Variants in RASGRP3 observed in about 807,000 individuals in gnomAD.
RASGRP3 encodes the protein ras guanyl-releasing protein 3.
Under a neutral mutation model 82.7 loss-of-function variants are expected in RASGRP3, and 54 were observed. That is an observed-to-expected ratio of 0.65 (90% CI 0.52 to 0.82). The LOEUF (loss-of-function observed/expected upper bound fraction) is 0.82. Among genes scored for constraint, RASGRP3 ranks in the 40% least tolerant of loss-of-function variants. The pLI is 0.00. For synonymous variants in RASGRP3, 309 were observed against 300.5 expected, an observed-to-expected ratio of 1.03 and a Z score of -0.29; for missense variants, 861 against 828.9, an observed-to-expected ratio of 1.04 and a Z score of -0.48.
Position 33,563,316 on chromosome 2 carries a change from T to G in RASGRP3, c.*579T>G, listed in dbSNP as rs1289758091. The G allele has an allele frequency of 1.3e-5, 2 of 152,750 alleles. No individual in the cohort carries two copies. The highest frequency in any genetic ancestry group is 2.9e-5 in the Non-Finnish European group (2 of 68,516). The allele number at this position is 152,750 out of a possible 1,614,324, so 9.5% of individuals were successfully genotyped here. A position where few individuals can be genotyped will look rare whatever the true frequency, so the allele number is the denominator to read the frequency against. ...ATCAGACACTGGAATGCAGTGATTCTTCTAATGATGGTCAACTGCAAGGAG... is the reference window on the plus strand; with the variant it reads ...ATCAGACACTGGAATGCAGTGATTCGTCTAATGATGGTCAACTGCAAGGAG... On this transcript the variant is annotated 3_prime_UTR_variant, in exon 18 of 18. Coordinates refer to ENST00000403687, the MANE Select transcript of RASGRP3 (RefSeq NM_001139488.2).
chr2:33,548,449 A>T (rs1345061050), intron 13 of RASGRP3, among the ~76,000 whole-genome samples: 1 of 151,306 alleles, frequency 6.6e-6, no homozygotes, highest in African/African-American at 2.4e-5. Context: ...TTTTTCAGGT[A>T]GGAAAGTCCT....
intron 2 of RASGRP3, among the ~76,000 whole-genome samples, chr2:33,470,025 G>A (rs1180584156): frequency 1.3e-5 from 2 of 152,010 alleles, no homozygotes; most frequent in East Asian, 1.9e-4. Flanking sequence ...TTAAATTCAC[G>A]TTATTTTTAG....
chr2:33,484,397 A>C (rs1668184685), intron 1 of RASGRP3, among the ~76,000 whole-genome samples: 1 of 152,238 alleles, frequency 6.6e-6, no homozygotes, highest in Non-Finnish European at 1.5e-5. Context: ...TGGAAAACTC[A>C]TACCATGAGT....
chr2:33,464,940 G>A (rs954864688), intron 2 of RASGRP3, among the ~76,000 whole-genome samples: 1 of 152,122 alleles, frequency 6.6e-6, no homozygotes, highest in African/African-American at 2.4e-5. Context: ...TATTCCCTGA[G>A]ACACAACAGT....
At chr2:33,546,093 AG>A (rs768710216) in intron 13 of RASGRP3, among the ~76,000 whole-genome samples, 23 of 151,432 alleles carry the variant, frequency 1.5e-4, no homozygotes, top group Non-Finnish European at 2.7e-4. Context: ...TCCAGGCGTG[AG>A]CCACCGTGCC....
intron 2 of RASGRP3, among the ~76,000 whole-genome samples, chr2:33,448,329 TA>T (rs578258564): frequency 2.6e-5 from 4 of 152,032 alleles, no homozygotes; most frequent in East Asian, 1.9e-4. Context: ...TTTTGTGCTT[TA>T]AAAAAAACTC....
chr2:33,464,121 TTATTA>T (rs1458919246), intron 2 of RASGRP3, among the ~76,000 whole-genome samples: 5 of 147,538 alleles, frequency 3.4e-5, no homozygotes, highest in Non-Finnish European at 7.4e-5. Flanking sequence ...ATTATTATTA[TTATTA>T]TTATTATTAT....
chr2:33,544,743 C>T (rs1674579099), intron 13 of RASGRP3, among the ~76,000 whole-genome samples: 1 of 152,064 alleles, frequency 6.6e-6, no homozygotes, highest in Non-Finnish European at 1.5e-5. Context: ...ACCTGTAATG[C>T]CAGCACTGTG....
At chr2:33,479,181 A>G (rs1667650738) in intron 1 of RASGRP3, among the ~76,000 whole-genome samples, 1 of 152,188 alleles carries the variant, frequency 6.6e-6, no homozygotes, top group Non-Finnish European at 1.5e-5. Context: ...CGAGCTCTCC[A>G]TGACAGGAAG....
At chr2:33,534,489 C>A in intron 11 of RASGRP3, 89 bp downstream of exon 11, 1 of 864,230 alleles carries the variant, frequency 1.2e-6, no homozygotes, top group East Asian at 2.6e-5. Flanking sequence ...GCTTTATGTT[C>A]TAAAACGGAA....
At chr2:33,534,453 G>C in intron 11 of RASGRP3, 53 bp downstream of exon 11, 1 of 1,231,586 alleles carries the variant, frequency 8.1e-7, no homozygotes, top group Non-Finnish European at 1.2e-6. Context: ...TTTTTGTCAT[G>C]TACAGTAATT....
At chr2:33,476,414 GTT>G (rs1667377258), upstream of RASGRP3, 1 of 152,236 alleles carries the variant, frequency 6.6e-6, no homozygotes, top group African/African-American at 2.4e-5. Flanking sequence ...CTTATCAGCT[GTT>G]TGGCTTTTGT....
At chr2:33,519,379 G>A (rs1481196550) in intron 4 of RASGRP3, among the ~76,000 whole-genome samples, 1 of 152,168 alleles carries the variant, frequency 6.6e-6, no homozygotes, top group Non-Finnish European at 1.5e-5. Context: ...CACTTTGGGA[G>A]GCCGAGGTGG....
At chr2:33,523,232 G>A (rs1020862574) in intron 7 of RASGRP3, among the ~76,000 whole-genome samples, 1 of 152,096 alleles carries the variant, frequency 6.6e-6, no homozygotes, top group Non-Finnish European at 1.5e-5. Flanking sequence ...GGGAGGCCAA[G>A]GTGGGCAGAT....
At chr2:33,480,343 C>T (rs567055102) in intron 1 of RASGRP3, among the ~76,000 whole-genome samples, 5 of 152,074 alleles carry the variant, frequency 3.3e-5, no homozygotes, top group Admixed American at 6.6e-5. Context: ...GCGCCCAGCC[C>T]GCATGAAAGA....
chr2:33,461,695 T>C (rs564485517), intron 2 of RASGRP3, among the ~76,000 whole-genome samples: 1 of 152,248 alleles, frequency 6.6e-6, no homozygotes, highest in African/African-American at 2.4e-5. Flanking sequence ...AGATTCTTAC[T>C]CTGCTATGGA....
intron 2 of RASGRP3, among the ~76,000 whole-genome samples, chr2:33,459,756 C>T (rs934531511): frequency 1.3e-5 from 2 of 152,154 alleles, no homozygotes; most frequent in Admixed American, 6.5e-5. Flanking sequence ...TGTGTCTGCT[C>T]GCTGAAAGTT....
At position 33,501,546 on chromosome 2, in the gene RASGRP3, C is replaced by T. The variant is rs138172298; in HGVS notation, c.-260-10164C>T. Reference sequence around the variant, plus strand: ...ATGAGGGTGAGATACGAAAACTCACCCAAATGTTAAGTAAAACTTGTCCAA... The same window carrying T: ...ATGAGGGTGAGATACGAAAACTCACTCAAATGTTAAGTAAAACTTGTCCAA... On this transcript the variant is annotated intron_variant, in intron 1 of 17. Coordinates refer to ENST00000403687, the MANE Select transcript of RASGRP3 (RefSeq NM_001139488.2). Among the ~76,000 whole-genome samples the T allele has an allele frequency of 3.8e-3, 585 of 152,248 alleles. 5 individuals carry two copies. Among genetic ancestry groups the T allele is most frequent in the African/African-American group, 0.013 (548 of 41,538 alleles).
intron 1 of RASGRP3, among the ~76,000 whole-genome samples, chr2:33,478,746 C>A (rs1425239111): frequency 6.6e-6 from 1 of 152,194 alleles, no homozygotes; most frequent in Non-Finnish European, 1.5e-5. Flanking sequence ...GAAACTGTAG[C>A]AAATTTATCG....
Sources: allele counts gnomAD v4.1 joint callset (sites outside exome capture counted in the v4.1 genomes callset), GRCh38; gene constraint gnomAD v4.1.1; transcripts MANE v1.5; gene names NCBI Gene and HGNC (gene_info 2026-07-23, HGNC 2026-07-21).